NDUFAF7: variants seen among roughly 807,000 people sequenced by gnomAD.
The protein encoded by NDUFAF7 is NADH:ubiquinone oxidoreductase complex assembly factor 7.
In NDUFAF7, 48 loss-of-function variants were observed where a neutral mutation model predicts 47.2. The ratio of observed to expected loss-of-function variants is 1.02; its 90% CI spans 0.81 to 1.29. The LOEUF (loss-of-function observed/expected upper bound fraction) is 1.29, where lower values mean the gene tolerates loss of function less well. NDUFAF7 is among the 50% of genes most tolerant of loss of function. The pLI is 0.00. For missense variants in NDUFAF7, 635 were observed against 537.6 expected (o/e 1.18, Z -1.79); for synonymous variants, 217 against 190.0 (o/e 1.14, Z -1.17).
chr2:37,269,592 T>C, the NDUFAF7 span: 8 of 1,585,258 alleles, frequency 5.0e-6, no homozygotes, highest in Non-Finnish European at 4.3e-6. Context: ...GTGTACAATA[T>C]GCAAACGGCT....
At chr2:37,245,972 T>C (rs1462582408) in intron 7 of NDUFAF7, 80 bp from the exon 8 acceptor site, 1 of 1,483,428 alleles carries the variant, frequency 6.7e-7, no homozygotes, top group Non-Finnish European at 9.3e-7. Context: ...AAATGCTCAT[T>C]GAGGAAAAAC....
At chr2:37,249,787 G>C (rs1240482460), downstream of NDUFAF7, among the ~76,000 whole-genome samples, 1 of 152,072 alleles carries the variant, frequency 6.6e-6, no homozygotes, top group Admixed American at 6.6e-5. Context: ...AAGAGTTAGA[G>C]AATTATTAAT....
At chr2:37,254,350 G>A (rs1306312224), downstream of NDUFAF7, 1 of 1,325,920 alleles carries the variant, frequency 7.5e-7, no homozygotes, top group East Asian at 2.3e-5. Flanking sequence ...CCAAACTTGT[G>A]ACTGCCTAGA....
chr2:37,245,735 T>C (rs891228354), intron 7 of NDUFAF7, among the ~76,000 whole-genome samples: 1 of 152,226 alleles, frequency 6.6e-6, no homozygotes, highest in African/African-American at 2.4e-5. Flanking sequence ...TGTGTTTATA[T>C]GATTTGTGAT....
chr2:37,240,768 G>T (rs962293588), intron 4 of NDUFAF7, among the ~76,000 whole-genome samples: 1 of 152,088 alleles, frequency 6.6e-6, no homozygotes, highest in Admixed American at 6.6e-5. Context: ...GAATTTAAAG[G>T]GTTGTAAAGC....
the NDUFAF7 span, among the ~76,000 whole-genome samples, chr2:37,270,001 G>T: frequency 1.3e-5 from 2 of 152,196 alleles, no homozygotes; most frequent in Admixed American, 1.3e-4. Flanking sequence ...GCTGAGGCAG[G>T]TGGATCACCT....
Position 37,231,772 on chromosome 2 carries a change from T to C in NDUFAF7, c.55+12T>C, listed in dbSNP as rs760285776. On this transcript the variant is annotated intron_variant, in intron 1 of 9. Coordinates refer to ENST00000002125, the MANE Select transcript of NDUFAF7 (RefSeq NM_144736.5). ...CGTGGCGCGCGCAGGTAAGCGTCAGTCCCCTCGAAGCCCGGTTGCCGTGGA... is the reference window on the plus strand; with the variant it reads ...CGTGGCGCGCGCAGGTAAGCGTCAGCCCCCTCGAAGCCCGGTTGCCGTGGA... 6.2e-7 allele frequency: 1 copy of C among 1,614,092 alleles called. No homozygotes were observed. The highest frequency in any genetic ancestry group is 1.1e-5 in the South Asian group (1 of 91,080).
At chr2:37,245,080 A>T (rs1343922881) in intron 7 of NDUFAF7, among the ~76,000 whole-genome samples, 1 of 152,206 alleles carries the variant, frequency 6.6e-6, no homozygotes, top group Non-Finnish European at 1.5e-5. Context: ...CAGTAATTTG[A>T]TTGCACTATT....
At chr2:37,256,358 G>A (rs954197838), downstream of NDUFAF7, among the ~76,000 whole-genome samples, 1 of 152,262 alleles carries the variant, frequency 6.6e-6, no homozygotes. Context: ...TGGCAGTAGT[G>A]ACTAGGAAGG....
chr2:37,249,524 G>C (rs1255419847), downstream of NDUFAF7, among the ~76,000 whole-genome samples: 1 of 150,562 alleles, frequency 6.6e-6, no homozygotes, highest in East Asian at 2.0e-4. Context: ...TTGCAGTGAG[G>C]GGAGATTGCT....
chr2:37,244,322 A>G (rs6733943), intron 7 of NDUFAF7, among the ~76,000 whole-genome samples: 1,725 of 152,336 alleles, frequency 0.011, 27 homozygotes, highest in African/African-American at 0.04. Flanking sequence ...TACAGACTAT[A>G]GTAAATTAAC....
intron 2 of NDUFAF7, among the ~76,000 whole-genome samples, chr2:37,235,340 A>G (rs899313360): frequency 6.6e-6 from 1 of 152,190 alleles, no homozygotes; most frequent in Non-Finnish European, 1.5e-5. Context: ...AGCTCAATGA[A>G]TTTTCACAAA....
At chr2:37,246,763 T>TTATTA (rs146141975) in intron 8 of NDUFAF7, among the ~76,000 whole-genome samples, 31,724 of 151,958 alleles carry the variant, frequency 0.21, 4,268 homozygotes, top group East Asian at 0.64. Flanking sequence ...ATTTCTAACT[T>TTATTA]TATCTAAAAA....
the NDUFAF7 span, chr2:37,268,236 C>T: frequency 6.7e-6 from 3 of 450,762 alleles, no homozygotes; most frequent in African/African-American, 2.0e-5. Flanking sequence ...CTCAATGGCA[C>T]AATCGTAAGT....
intron 4 of NDUFAF7, among the ~76,000 whole-genome samples, chr2:37,241,346 A>G: frequency 6.6e-6 from 1 of 152,176 alleles, no homozygotes; most frequent in Admixed American, 6.5e-5. Context: ...TTTGTTAATC[A>G]TAATTTATCA....
In NDUFAF7 at chr2:37,231,696, G is replaced by T. The variant is rs771976553; in HGVS notation, c.-10G>T. 6.2e-7 allele frequency: 1 copy of T among 1,614,228 alleles called. No homozygotes were observed. The highest frequency in any genetic ancestry group is 1.7e-5 in the Admixed American group (1 of 60,030). The stretch of plus-strand genomic sequence containing the variant: ...CTCCTGGCGGAGCGAGCTAGCCTGC[G>T]AATTTCAGCATGAGTGTACTGCTGA... On this transcript the variant is annotated 5_prime_UTR_variant, in exon 1 of 10. Transcript: ENST00000002125.
the NDUFAF7 span, among the ~76,000 whole-genome samples, chr2:37,263,941 C>T: frequency 9.2e-5 from 14 of 152,180 alleles, no homozygotes; most frequent in Non-Finnish European, 1.9e-4. Flanking sequence ...CCACAATGTT[C>T]AAACCAGAAA....
At chr2:37,253,466 G>GCGCTAGT (rs1165158981), downstream of NDUFAF7, 2 of 795,702 alleles carry the variant, frequency 2.5e-6, no homozygotes, top group East Asian at 5.4e-5. Context: ...TAATTGACAG[G>GCGCTAGT]CGCTACTCAT....
At chr2:37,268,468 AAAG>A in the NDUFAF7 span, 1 of 398,060 alleles carries the variant, frequency 2.5e-6, no homozygotes, top group Non-Finnish European at 5.0e-6. Context: ...CTAGGAATAC[AAAG>A]AAGATCCAGA....
Sources: gnomAD v4.1 joint callset for allele counts (sites outside exome capture counted in the v4.1 genomes callset) on GRCh38, gnomAD v4.1.1 for gene constraint, MANE v1.5 for transcripts, NCBI Gene and HGNC (gene_info 2026-07-23, HGNC 2026-07-21) for gene names.